Variants in CACNB1 observed in about 807,000 individuals in gnomAD.
CACNB1 encodes the protein calcium voltage-gated channel auxiliary subunit beta 1.
Under a neutral mutation model 71.6 loss-of-function variants are expected in CACNB1, and 29 were observed. The observed-to-expected ratio is 0.40, with a 90% CI of 0.30 to 0.55. The LOEUF (loss-of-function observed/expected upper bound fraction) is 0.55. Ranked by LOEUF, CACNB1 falls within the 20% of genes least tolerant of loss-of-function variation. The probability of loss-of-function intolerance (pLI) is 0.38; values close to 1 mark genes in which losing one functional copy is unlikely to be tolerated. For synonymous variants in CACNB1, 300 were observed against 319.6 expected (o/e 0.94, Z 0.65); for missense variants, 623 against 801.8 (o/e 0.78, Z 2.69).
Position 39,197,549 on chromosome 17 carries a change from G to C in CACNB1, c.-54C>G, listed in dbSNP as rs2046228040. On this transcript the variant is annotated 5_prime_UTR_variant, in exon 1 of 14. Coordinates refer to ENST00000394303, the MANE Select transcript of CACNB1 (RefSeq NM_000723.5). The stretch of plus-strand genomic sequence containing the variant: ...CCCGGCCCAGCCGGGCTCCCTCAGC[G>C]CATGGGAGAGGCCGTGGGAGCCGAA... 5 of 1,333,668 alleles carry C rather than the reference G, an allele frequency of 3.7e-6. No homozygotes were observed. The highest frequency in any genetic ancestry group is 5.0e-6 in the Non-Finnish European group (5 of 993,386). 82.6% of individuals were successfully genotyped at this position (1,333,668 alleles called of 1,614,324 possible).
chr17:39,185,315 C>T (rs1034872573), intron 6 of CACNB1, among the ~76,000 whole-genome samples, 165 bp from the exon 7 acceptor site: 1 of 151,996 alleles, frequency 6.6e-6, no homozygotes, highest in Admixed American at 6.5e-5. Context: ...GAGCCAGAGA[C>T]GGGGAACGGG....
At position 39,184,028 on chromosome 17, in the gene CACNB1, C is replaced by A; in HGVS notation, c.898+3G>T. The A allele has an allele frequency of 6.2e-7, 1 of 1,606,932 alleles. No individual in the cohort carries two copies. The highest frequency in any genetic ancestry group is 1.1e-5 in the South Asian group (1 of 90,924). ...GGAGTGAAGACAGCAGGAGTAGGCT[C>A]ACCCAGGCTGGAGCGTGTGTTGGAG... On this transcript the variant is annotated splice_donor_region_variant and intron_variant, in intron 10 of 13. Transcript: ENST00000394303.
intron 11 of CACNB1, 119 bp downstream of exon 11, chr17:39,183,594 G>A (rs2045847352): frequency 1.2e-6 from 1 of 841,908 alleles, no homozygotes; most frequent in African/African-American, 1.7e-5. Flanking sequence ...TTACAGAGAA[G>A]GAAACTAAGA....
intron 11 of CACNB1, among the ~76,000 whole-genome samples, chr17:39,180,444 C>T (rs998637329): frequency 2.6e-5 from 4 of 151,676 alleles, no homozygotes; most frequent in Non-Finnish European, 2.9e-5. Flanking sequence ...CTTTTGAGGT[C>T]GGGAGTTCGA....
chr17:39,184,147 A>G lies in CACNB1; in HGVS notation c.789-7T>C. 6.3e-7 allele frequency: 1 copy of G among 1,592,566 alleles called. No individual in the cohort carries two copies. The highest frequency in any genetic ancestry group is 8.6e-7 in the Non-Finnish European group (1 of 1,160,666). On this transcript the variant is annotated splice_region_variant and splice_polypyrimidine_tract_variant and intron_variant, in intron 9 of 13. Transcript: ENST00000394303. The stretch of plus-strand genomic sequence containing the variant: ...CACACGAGTGATGGAGATCCTGGGG[A>G]ATGGGGCAAGAGGGGAGTCAGGGGT...
chr17:39,181,576 C>G (rs1268092321), intron 11 of CACNB1, among the ~76,000 whole-genome samples: 1 of 152,200 alleles, frequency 6.6e-6, no homozygotes, highest in Non-Finnish European at 1.5e-5. Flanking sequence ...AGTCCCTCCT[C>G]TTAACCTCAG....
Position 39,179,621 on chromosome 17 carries a change from G to A in CACNB1, c.1051-1542C>T, listed in dbSNP as rs185122022. ...AGAAAGAAAGAAAGAAAACTAGGCC[G>A]GGCGCAGTGGCTCACACCTGTAATC... On this transcript the variant is annotated intron_variant, in intron 11 of 13. Coordinates refer to ENST00000394303, the MANE Select transcript of CACNB1 (RefSeq NM_000723.5). Among the ~76,000 whole-genome samples, 21 of 151,800 alleles carry A rather than the reference G, an allele frequency of 1.4e-4. No homozygotes were observed. In the East Asian group the frequency reaches 3.1e-3, roughly 22 times the overall value.
intron 4 of CACNB1, 168 bp downstream of exon 4, chr17:39,187,311 T>G (rs2045965322): frequency 1.3e-6 from 1 of 775,502 alleles, no homozygotes; most frequent in Non-Finnish European, 2.0e-6. Context: ...CATTACCACC[T>G]CATTTTTCCA....
At position 39,175,621 on chromosome 17, in the gene CACNB1, G is replaced by A. The variant is rs1208162241; in HGVS notation, c.1369C>T (p.Arg457Trp). The A allele has an allele frequency of 2.5e-6, 4 of 1,582,040 alleles. No individual in the cohort carries two copies. Among genetic ancestry groups the A allele is most frequent in the East Asian group, 2.2e-5 (1 of 44,564 alleles). Residue 457 changes from arginine (R) to tryptophan (W), a missense_variant, in exon 14 of 14, where the codon CGG becomes TGG. Arg to Trp is a moderately radical substitution (Grantham distance 101, BLOSUM62 -3). Coordinates refer to ENST00000394303, the MANE Select transcript of CACNB1 (RefSeq NM_000723.5). The surrounding 1 kb of genome is among the most constrained non-coding windows in gnomAD (Gnocchi z 4.7). ...YLASGDQPLERATGEHASMHE... is the reference protein window; with the variant it reads ...YLASGDQPLEWATGEHASMHE... ...ATGCTGGCGTGCTCCCCGGTGGCCC[G>A]TTCCAGTGGCTGGTCCCCGGAAGCA...
intron 3 of CACNB1, among the ~76,000 whole-genome samples, chr17:39,189,879 A>C (rs1168317794): frequency 6.7e-6 from 1 of 150,038 alleles, no homozygotes; most frequent in Non-Finnish European, 1.5e-5. Flanking sequence ...TGGGAGGCCG[A>C]GGCAGGCAGA....
chr17:39,177,016 T>C (rs2045595909), intron 13 of CACNB1: 1 of 899,636 alleles, frequency 1.1e-6, no homozygotes, highest in Middle Eastern at 3.7e-4. Flanking sequence ...GTCCCTTGTC[T>C]TAAAAGCGCT....
At position 39,184,045 on chromosome 17, in the gene CACNB1, G is replaced by A; in HGVS notation, c.884C>T (p.Thr295Ile). The change falls in exon 10 of 14, where the codon ACA (threonine) becomes ATA (isoleucine). Residue 295 changes from threonine (T) to isoleucine (I), a missense_variant. Coordinates refer to ENST00000394303, the MANE Select transcript of CACNB1 (RefSeq NM_000723.5). Reference sequence around the variant, plus strand: ...AGTAGGCTCACCCAGGCTGGAGCGTGTGTTGGAGCGCTCAATGATGATGTG... The same window carrying A: ...AGTAGGCTCACCCAGGCTGGAGCGTATGTTGGAGCGCTCAATGATGATGTG... ...SKHIIIERSN[T>I]RSSLAEVQSE... 1 of 1,611,294 alleles carries A rather than the reference G, an allele frequency of 6.2e-7. No homozygotes were observed. The highest frequency in any genetic ancestry group is 1.1e-5 in the South Asian group (1 of 91,018).
intron 3 of CACNB1, among the ~76,000 whole-genome samples, 197 bp downstream of exon 3, chr17:39,191,277 C>CTT (rs772741784): frequency 1.8e-4 from 28 of 152,218 alleles, no homozygotes; most frequent in Admixed American, 2.0e-4. Context: ...ATAACACGCA[C>CTT]TTATTATACT....
chr17:39,175,448 C>G lies in CACNB1; in HGVS notation c.1542G>C (p.Glu514Asp). The change falls in exon 14 of 14, where the codon GAG becomes GAC. Residue 514 changes from glutamate to aspartate, a missense_variant. By Grantham distance (45) the Glu-to-Asp change is conservative. Coordinates refer to ENST00000394303, the MANE Select transcript of CACNB1 (RefSeq NM_000723.5). The surrounding 1 kb of genome is among the most constrained non-coding windows in gnomAD (Gnocchi z 4.7). ...TPGSRNSAYT[E>D]LGDSCVDMET... ...CCATGTCCACACATGAGTCTCCCAG[C>G]TCCGTGTAGGCAGAGTTTCGGCTGC... The G allele has an allele frequency of 6.2e-7, 1 of 1,614,222 alleles. No individual in the cohort carries two copies. Among genetic ancestry groups the G allele is most frequent in the Non-Finnish European group, 8.5e-7 (1 of 1,180,048 alleles).
chr17:39,192,350 G>A (rs1049532587), intron 2 of CACNB1: 14 of 152,428 alleles, frequency 9.2e-5, no homozygotes, highest in African/African-American at 2.7e-4. Flanking sequence ...GAGCACAAGG[G>A]ACTCCTTTAG....
At position 39,184,093 on chromosome 17, in the gene CACNB1, G is replaced by T; in HGVS notation, c.836C>A (p.Ser279Ter). The T allele has an allele frequency of 6.2e-7, 1 of 1,613,724 alleles. No individual in the cohort carries two copies. Among genetic ancestry groups the T allele is most frequent in the South Asian group, 1.1e-5 (1 of 91,048 alleles). Residue 279 changes from serine to a stop codon, truncating the protein, a stop_gained, in exon 10 of 14, where the codon TCA becomes TAA. Coordinates refer to ENST00000394303, the MANE Select transcript of CACNB1 (RefSeq NM_000723.5). LOFTEE classifies it high-confidence loss of function. Reference sequence around the variant, plus strand: ...GTGTTTGCTGGGGTTGTTGAGAACTGAGCGCTTAGCCAGGGAAATATCTGC... The same window carrying T: ...GTGTTTGCTGGGGTTGTTGAGAACTTAGCGCTTAGCCAGGGAAATATCTGC... ...VTADISLAKR[S>*]VLNNPSKHII... is the part of the protein sequence containing the mutation.
intron 11 of CACNB1, among the ~76,000 whole-genome samples, chr17:39,181,399 C>T (rs1044476027): frequency 2.0e-5 from 3 of 152,004 alleles, no homozygotes; most frequent in Non-Finnish European, 2.9e-5. Flanking sequence ...TGGCCCAATA[C>T]CAAGCATTTT....
chr17:39,185,020 A>T, intron 7 of CACNB1, 111 bp downstream of exon 7: 1 of 1,102,576 alleles, frequency 9.1e-7, no homozygotes, highest in Non-Finnish European at 1.4e-6. Flanking sequence ...GGCCAGGGAG[A>T]ACCAGGAAGG....
intron 6 of CACNB1, chr17:39,185,854 G>A: frequency 1.5e-6 from 2 of 1,373,966 alleles, no homozygotes; most frequent in African/African-American, 1.4e-5. Flanking sequence ...CACAGAACAG[G>A]TTGGTACCAC....
Sources: gnomAD v4.1 joint callset for allele counts (sites outside exome capture counted in the v4.1 genomes callset) on GRCh38, gnomAD v4.1.1 for gene constraint, Gnocchi (gnomAD v3.1) non-coding constraint, MANE v1.5 for transcripts, NCBI Gene and HGNC (gene_info 2026-07-23, HGNC 2026-07-21) for gene names.